COBL: variants seen among roughly 807,000 people sequenced by gnomAD.
COBL encodes the protein cordon-bleu WH2 repeat protein.
In COBL, 51 loss-of-function variants were observed where a neutral mutation model predicts 98.8. That is an observed-to-expected ratio of 0.52 (90% CI 0.41 to 0.65). COBL has a LOEUF of 0.65. Among genes scored for constraint, COBL ranks in the 30% least tolerant of loss-of-function variants. The probability of loss-of-function intolerance (pLI) is 0.00; values close to 1 mark genes in which losing one functional copy is unlikely to be tolerated. For missense variants in COBL, 1,617 were observed against 1,617.5 expected (o/e 1.00, Z 0.01); for synonymous variants, 634 against 651.7 (o/e 0.97, Z 0.41).
intron 1 of COBL, among the ~76,000 whole-genome samples, chr7:51,257,761 G>T (rs1264318237): frequency 6.6e-6 from 1 of 151,930 alleles, no homozygotes; most frequent in Non-Finnish European, 1.5e-5. Context: ...AAATATGAAA[G>T]AATTTGTACA....
chr7:51,291,788 A>C (rs1303882410), intron 1 of COBL, among the ~76,000 whole-genome samples: 2 of 152,082 alleles, frequency 1.3e-5, no homozygotes, highest in Non-Finnish European at 2.9e-5. Context: ...TTATCAGTGC[A>C]CAATCAGCAC....
intron 8 of COBL, chr7:51,033,027 G>A (rs1235932001): frequency 5.3e-5 from 8 of 151,882 alleles, no homozygotes; most frequent in South Asian, 2.1e-4. Context: ...GCTTGATCAC[G>A]TCACTATGAG....
intron 1 of COBL, among the ~76,000 whole-genome samples, chr7:51,244,139 A>G (rs950572225): frequency 6.6e-6 from 1 of 152,150 alleles, no homozygotes; most frequent in Non-Finnish European, 1.5e-5. Flanking sequence ...CCCACCCTCA[A>G]GGCTCCAGGA....
chr7:51,273,087 G>C (rs1272641146), intron 1 of COBL, among the ~76,000 whole-genome samples: 1 of 152,158 alleles, frequency 6.6e-6, no homozygotes, highest in East Asian at 1.9e-4. Context: ...CCAGCACTTT[G>C]GGAGGCCAAG....
At chr7:51,291,784 G>T (rs1246454841) in intron 1 of COBL, among the ~76,000 whole-genome samples, 1 of 152,004 alleles carries the variant, frequency 6.6e-6, no homozygotes, top group Admixed American at 6.6e-5. Flanking sequence ...AGATTTATCA[G>T]TGCACAATCA....
chr7:51,070,969 T>C (rs571399957), intron 7 of COBL: 4 of 152,224 alleles, frequency 2.6e-5, no homozygotes, highest in Non-Finnish European at 4.4e-5. Flanking sequence ...GCATGCTCAA[T>C]TGTCCACTGG....
intron 1 of COBL, among the ~76,000 whole-genome samples, chr7:51,249,244 C>T (rs548030068): frequency 2.2e-4 from 33 of 152,218 alleles, no homozygotes; most frequent in African/African-American, 7.7e-4. Context: ...GACATGAGGA[C>T]GTGCAACCCC....
intron 7 of COBL, chr7:51,065,161 A>C: frequency 1.4e-6 from 1 of 702,046 alleles, no homozygotes; most frequent in South Asian, 1.5e-5. Flanking sequence ...TTGTCTCCCA[A>C]ATGCCAATAT....
chr7:51,251,162 C>T (rs750548327), intron 1 of COBL, among the ~76,000 whole-genome samples: 1 of 151,988 alleles, frequency 6.6e-6, no homozygotes, highest in Non-Finnish European at 1.5e-5. Context: ...GGCAGAGGAC[C>T]GGGGTCGAAC....
In COBL at chr7:51,310,891, C is replaced by A. The variant is rs180693483; in HGVS notation, c.41+5702G>T. On this transcript the variant is annotated intron_variant, in intron 1 of 12. Transcript: ENST00000265136. ...CAGGATGGTCTCGATCTCTTGACCTCGTGATCAACCCACCTCGGCCTCCCA... is the reference window on the plus strand; with the variant it reads ...CAGGATGGTCTCGATCTCTTGACCTAGTGATCAACCCACCTCGGCCTCCCA... 4.6e-5 allele frequency among the ~76,000 whole-genome samples: 7 copies of A among 151,812 alleles called. No homozygotes were observed. In the South Asian group the frequency reaches 1.5e-3, roughly 32 times the overall value.
At chr7:51,256,626 A>G (rs1797224541) in intron 1 of COBL, among the ~76,000 whole-genome samples, 1 of 152,096 alleles carries the variant, frequency 6.6e-6, no homozygotes, top group South Asian at 2.1e-4. Flanking sequence ...CCTCCAGAGC[A>G]CTCCTGCAAG....
At chr7:51,233,658 T>TAACTGATTGG (rs1377759975) in intron 1 of COBL, among the ~76,000 whole-genome samples, 1 of 152,160 alleles carries the variant, frequency 6.6e-6, no homozygotes, top group East Asian at 1.9e-4. Flanking sequence ...ACACAGCGCA[T>TAACTGATTGG]AACTGATTGG....
intron 1 of COBL, among the ~76,000 whole-genome samples, chr7:51,227,109 TGGTGCCCTGCA>T (rs1334418351): frequency 1.3e-5 from 2 of 152,204 alleles, no homozygotes; most frequent in Non-Finnish European, 2.9e-5. Context: ...ACTAGAACGC[TGGTGCCCTGCA>T]GTGCCGGCTG....
At chr7:51,227,488 C>A (rs927479608) in intron 1 of COBL, among the ~76,000 whole-genome samples, 1 of 152,106 alleles carries the variant, frequency 6.6e-6, no homozygotes, top group Admixed American at 6.5e-5. Flanking sequence ...GGCCATGGAC[C>A]TTCTTCCAGG....
chr7:51,246,203 A>C, intron 1 of COBL, among the ~76,000 whole-genome samples: 1 of 152,206 alleles, frequency 6.6e-6, no homozygotes, highest in Non-Finnish European at 1.5e-5. Flanking sequence ...TTGAAATAAA[A>C]AGACAAAAGA....
At chr7:51,284,129 CA>C (rs71021763) in intron 1 of COBL, among the ~76,000 whole-genome samples, 3,898 of 66,286 alleles carry the variant, frequency 0.059, 147 homozygotes, top group African/African-American at 0.21. Flanking sequence ...ACCAAAAATA[CA>C]AAAAAAAAAA....
In COBL at chr7:51,316,662, C is replaced by G; in HGVS notation, c.-29G>C. ...GCCGGGGGCCGGGACGCGGGCGGTG[C>G]TCCGGGCCCGCCGAGTCAGGCGCTG... On this transcript the variant is annotated 5_prime_UTR_variant, in exon 1 of 13. Coordinates refer to ENST00000265136, the MANE Select transcript of COBL (RefSeq NM_015198.5). 8.4e-7 allele frequency: 1 copy of G among 1,191,610 alleles called. No individual in the cohort carries two copies. Among genetic ancestry groups the G allele is most frequent in the South Asian group, 4.2e-5 (1 of 24,018 alleles). 73.8% of individuals were successfully genotyped at this position (1,191,610 alleles called of 1,614,324 possible).
chr7:51,043,617 G>T lies in COBL; in HGVS notation c.1172C>A (p.Thr391Asn). 6.2e-7 allele frequency: 1 copy of T among 1,614,198 alleles called. No homozygotes were observed. Among genetic ancestry groups the T allele is most frequent in the Non-Finnish European group, 8.5e-7 (1 of 1,180,036 alleles). ...CGCAAAACAGCTGCCAACTGACACG[G>T]TCTCCTCCGCCTCTGACAGCACCTG... The part of the protein sequence containing the change: ...APQVLSEAEE[T>N]VSVGSCFASE... The change falls in exon 8 of 13, where the codon ACC becomes AAC. Residue 391 changes from threonine to asparagine, a missense_variant. Transcript: ENST00000265136.
At chr7:51,117,856 T>C (rs991333236) in intron 6 of COBL, among the ~76,000 whole-genome samples, 6 of 152,244 alleles carry the variant, frequency 3.9e-5, no homozygotes, top group Admixed American at 1.3e-4. Context: ...AATTACTTTG[T>C]CTTCACGGGC....
Sources: gnomAD v4.1 joint callset for allele counts (sites outside exome capture counted in the v4.1 genomes callset) on GRCh38, gnomAD v4.1.1 for gene constraint, MANE v1.5 for transcripts, NCBI Gene and HGNC (gene_info 2026-07-23, HGNC 2026-07-21) for gene names.